The following MAT2B variants were observed in gnomAD, a reference collection of about 807,000 sequenced individuals.
The protein encoded by MAT2B is methionine adenosyltransferase 2 subunit beta.
MAT2B carries 16 observed loss-of-function variants against 36.1 expected under a neutral mutation model. The observed-to-expected ratio is 0.44, with a 90% CI of 0.30 to 0.67. MAT2B has a LOEUF of 0.67. MAT2B is among the 30% of genes least tolerant of loss of function. The pLI is 0.09. For synonymous variants in MAT2B, 148 were observed against 136.9 expected (o/e 1.08, Z -0.57); for missense variants, 332 against 398.2 (o/e 0.83, Z 1.42).
At chr5:163,514,745 A>G (rs560703171) in intron 4 of MAT2B, among the ~76,000 whole-genome samples, 8 of 152,276 alleles carry the variant, frequency 5.3e-5, no homozygotes, top group East Asian at 3.9e-4. Flanking sequence ...AGACTGTACT[A>G]TGGCCTTGAG....
intron 4 of MAT2B, 24 bp from the exon 5 acceptor site, chr5:163,516,494 T>G: frequency 1.3e-6 from 2 of 1,596,168 alleles, no homozygotes; most frequent in Non-Finnish European, 1.7e-6. Context: ...CAGCTTTAAA[T>G]TATTTGCTTT....
At chr5:163,516,397 G>A (rs1760133707) in intron 4 of MAT2B, 121 bp from the exon 5 acceptor site, 1 of 747,358 alleles carries the variant, frequency 1.3e-6, no homozygotes, top group Non-Finnish European at 2.2e-6. Flanking sequence ...TGTCATTTTG[G>A]TATATTTTAA....
At chr5:163,506,435 G>T (rs1395066217) in intron 1 of MAT2B, among the ~76,000 whole-genome samples, 3 of 152,044 alleles carry the variant, frequency 2.0e-5, no homozygotes, top group Non-Finnish European at 4.4e-5. Context: ...TCCATCTCTG[G>T]TGCCCCCCTC....
intron 1 of MAT2B, among the ~76,000 whole-genome samples, chr5:163,508,241 G>GT (rs961134660): frequency 2.6e-5 from 4 of 151,450 alleles, no homozygotes; most frequent in Admixed American, 6.6e-5. Flanking sequence ...AAGCTGCTGG[G>GT]TTTTTTTGTT....
In MAT2B at chr5:163,519,216, TCTTTTGTTG is replaced by T. The variant is rs1372051017; in HGVS notation, c.*858_*866del. On this transcript the variant is annotated 3_prime_UTR_variant, in exon 7 of 7. Coordinates refer to ENST00000321757, the MANE Select transcript of MAT2B (RefSeq NM_013283.5). ...AGGACCAAACTTCTAAACTAATTGT[TCTTTTGTTG>T]CTTTAATTTTTAAAAATTACATTCT... 1 of 152,188 alleles carries T rather than the reference TCTTTTGTTG, an allele frequency of 6.6e-6. No individual in the cohort carries two copies. The highest frequency in any genetic ancestry group is 1.5e-5 in the Non-Finnish European group (1 of 68,030). 9.4% of individuals were successfully genotyped at this position (152,188 alleles called of 1,614,324 possible). A position where few individuals can be genotyped will look rare whatever the true frequency, so the allele number is the denominator to read the frequency against.
At chr5:163,511,528 C>A (rs1441845399) in intron 1 of MAT2B, among the ~76,000 whole-genome samples, 1 of 149,142 alleles carries the variant, frequency 6.7e-6, no homozygotes, top group East Asian at 2.0e-4. Context: ...AGTGATCCAC[C>A]TGCCTTGGCC....
chr5:163,503,537 G>A (rs1490417257), upstream of MAT2B: 1 of 990,770 alleles, frequency 1.0e-6, no homozygotes, highest in Non-Finnish European at 1.6e-6. Context: ...ATAGAAACGG[G>A]TGTCATTCAT....
intron 5 of MAT2B, chr5:163,517,346 ATTC>A (rs1760148913): frequency 1.0e-5 from 3 of 298,044 alleles, no homozygotes; most frequent in Non-Finnish European, 1.2e-5. Flanking sequence ...GATTTTAAAA[ATTC>A]TTAAGGTTTA....
chr5:163,516,853 T>C (rs1386929983), intron 5 of MAT2B, 142 bp downstream of exon 5: 14 of 708,816 alleles, frequency 2.0e-5, no homozygotes, highest in Non-Finnish European at 3.5e-5. Flanking sequence ...CAAAAGTAGT[T>C]TACATATACA....
Position 163,518,337 on chromosome 5 carries a change from A to C in MAT2B, c.979A>C (p.Arg327=). 6.2e-7 allele frequency: 1 copy of C among 1,612,206 alleles called. No homozygotes were observed. The highest frequency in any genetic ancestry group is 8.5e-7 in the Non-Finnish European group (1 of 1,179,344). ...ESLWPFLIDK[R]WRQTVFH is the part of the protein sequence containing the mutation. ...ACTTTGGCCTTTCCTCATTGACAAGAGATGGAGACAAACGGTCTTTCATTA... is the reference window on the plus strand; with the variant it reads ...ACTTTGGCCTTTCCTCATTGACAAGCGATGGAGACAAACGGTCTTTCATTA... Residue 327 remains arginine, a synonymous_variant, in exon 7 of 7, where the codon AGA becomes CGA. Transcript: ENST00000321757.
Position 163,513,670 on chromosome 5 carries a change from G to T in MAT2B, c.373+1G>T. 1 of 1,606,336 alleles carries T rather than the reference G, an allele frequency of 6.2e-7. No homozygotes were observed. Among genetic ancestry groups the T allele is most frequent in the Non-Finnish European group, 8.5e-7 (1 of 1,174,314 alleles). On this transcript the variant is annotated splice_donor_variant, in intron 3 of 6. Transcript: ENST00000321757. LOFTEE classifies it high-confidence loss of function. ...TCTGGGAATTTAGCAAAGGAAGCAGGTAATGATGACTTTATAAAATTTTCA... is the reference window on the plus strand; with the variant it reads ...TCTGGGAATTTAGCAAAGGAAGCAGTTAATGATGACTTTATAAAATTTTCA...
At chr5:163,508,394 T>C (rs1759978097) in intron 1 of MAT2B, among the ~76,000 whole-genome samples, 1 of 149,716 alleles carries the variant, frequency 6.7e-6, no homozygotes, top group Non-Finnish European at 1.5e-5. Context: ...CCCACCACCA[T>C]GCCCGACTAG....
chr5:163,507,021 T>C (rs1357650120), intron 1 of MAT2B, among the ~76,000 whole-genome samples: 1 of 152,156 alleles, frequency 6.6e-6, no homozygotes, highest in Non-Finnish European at 1.5e-5. Context: ...AGCGTCGCAG[T>C]AGAAGTTAGA....
upstream of MAT2B, chr5:163,503,342 G>A (rs1759878116): frequency 1.9e-6 from 3 of 1,573,066 alleles, no homozygotes; most frequent in East Asian, 6.7e-5. Flanking sequence ...AGCAAGAGAA[G>A]GCAGAGGCTA....
chr5:163,512,577 A>AC (rs1424289951), intron 2 of MAT2B: 1 of 389,730 alleles, frequency 2.6e-6, no homozygotes, highest in African/African-American at 2.1e-5. Flanking sequence ...TCTCCCTTTG[A>AC]CATGGATTTA....
At chr5:163,506,532 A>G (rs781750334) in intron 1 of MAT2B, among the ~76,000 whole-genome samples, 1 of 152,174 alleles carries the variant, frequency 6.6e-6, no homozygotes, top group Non-Finnish European at 1.5e-5. Context: ...GGATAAGAAC[A>G]CTACTAATGC....
rs745377555 is a variant in MAT2B, at chr5:163,512,172, T to G, written c.234T>G (p.Val78=). The G allele has an allele frequency of 6.2e-7, 1 of 1,613,988 alleles. No homozygotes were observed. The highest frequency in any genetic ancestry group is 2.2e-5 in the East Asian group (1 of 44,890). The change falls in exon 2 of 7, where the codon GTT becomes GTG. Residue 78 remains valine, a synonymous_variant. Coordinates refer to ENST00000321757, the MANE Select transcript of MAT2B (RefSeq NM_013283.5). Reference sequence around the variant, plus strand: ...TTAATCTGTTGGATTCTAATGCAGTTCATCACATCATTCATGATTTTCAGG... The same window carrying G: ...TTAATCTGTTGGATTCTAATGCAGTGCATCACATCATTCATGATTTTCAGG... ...EQVNLLDSNA[V]HHIIHDFQPH...
At chr5:163,517,049 T>C (rs993988308) in intron 5 of MAT2B, 3 of 398,542 alleles carry the variant, frequency 7.5e-6, no homozygotes, top group Non-Finnish European at 1.3e-5. Flanking sequence ...CCAGCACATT[T>C]GAAAAAGTTG....
At chr5:163,503,289 T>G (rs1230255240), upstream of MAT2B, 2 of 963,236 alleles carry the variant, frequency 2.1e-6, no homozygotes, top group Non-Finnish European at 3.3e-6. Context: ...CCTCACGTTT[T>G]GGCGTGCCTG....
Sources: allele counts gnomAD v4.1 joint callset (sites outside exome capture counted in the v4.1 genomes callset), GRCh38; gene constraint gnomAD v4.1.1; transcripts MANE v1.5; gene names NCBI Gene and HGNC (gene_info 2026-07-23, HGNC 2026-07-21).